The following SBF1 variants were observed in gnomAD, a reference collection of about 807,000 sequenced individuals.
SBF1 encodes myotubularin-related protein 5.
SBF1 carries 65 observed loss-of-function variants against 215.8 expected under a neutral mutation model. The ratio of observed to expected loss-of-function variants is 0.30; its 90% CI spans 0.25 to 0.37. The LOEUF is 0.37. Ranked by LOEUF, SBF1 falls within the 10% of genes least tolerant of loss-of-function variation. The pLI is 1.00. For missense variants in SBF1, 2,634 were observed against 2,667.8 expected (o/e 0.99, Z 0.28); for synonymous variants, 1,410 against 1,122.8 (o/e 1.26, Z -5.11).
intron 15 of SBF1, among the ~76,000 whole-genome samples, chr22:50,463,721 C>T (rs900920231): frequency 4.6e-5 from 7 of 152,266 alleles, no homozygotes; most frequent in Non-Finnish European, 8.8e-5. Flanking sequence ...TGCTCACAGG[C>T]TCACAGCTGC....
At position 50,459,205 on chromosome 22, in the gene SBF1, C is replaced by A; in HGVS notation, c.3826+50G>T. 4 of 1,561,218 alleles carry A rather than the reference C, an allele frequency of 2.6e-6. No homozygotes were observed. In the South Asian group the frequency reaches 3.5e-5, roughly 14 times the overall value. ...GCCTGCCAAACCATAAATGCCACCA[C>A]GGCCCCCCAAAGTGCCCCTGCCCCA... On this transcript the variant is annotated intron_variant, in intron 28 of 40. Transcript: ENST00000380817.
intron 2 of SBF1, 29 bp from the exon 3 acceptor site, chr22:50,467,952 T>TCC: frequency 6.2e-7 from 1 of 1,610,198 alleles, no homozygotes; most frequent in Non-Finnish European, 8.5e-7. Context: ...AGTCAGCTCC[T>TCC]CCCCCTACAC....
rs1391895224 is a variant in SBF1, at chr22:50,448,359, G to A, written c.5237C>T (p.Ser1746Phe). 10 of 1,613,782 alleles carry A rather than the reference G, an allele frequency of 6.2e-6. No homozygotes were observed. In the East Asian group the frequency reaches 1.8e-4, roughly 29 times the overall value. ...GCTGTCCAGGCTGAGGCTCAGGGTG[G>A]AGCCCACGGGCCCCTCCTGCAGGTA... is the stretch of plus-strand genomic sequence containing the variant. Reference protein sequence around the residue: ...GVYLQEGPVGSTLSLSLDSDQ... With the variant: ...GVYLQEGPVGFTLSLSLDSDQ... Residue 1746 changes from serine (S) to phenylalanine (F), a missense_variant, in exon 38 of 41, where the codon TCC becomes TTC. Physicochemically the swap from Ser to Phe is radical, Grantham distance 155. Transcript: ENST00000380817.
At position 50,454,442 on chromosome 22, in the gene SBF1, C is replaced by T. The variant is rs1208466470; in HGVS notation, c.5043+70G>A. On this transcript the variant is annotated intron_variant, in intron 36 of 40. Coordinates refer to ENST00000380817, the MANE Select transcript of SBF1 (RefSeq NM_002972.4). ...GTGCATGTACGAGTGTACACACACA[C>T]GCACGACCCTGGTGTCTGAGCGAGA... 5.2e-5 allele frequency: 71 copies of T among 1,359,226 alleles called. 2 individuals are homozygous for T. The Admixed American group carries it at 6.0e-4, about 11-fold the overall frequency. The allele number at this position is 1,359,226 out of a possible 1,614,324, so 84.2% of individuals were successfully genotyped here. A position where few individuals can be genotyped will look rare whatever the true frequency, so the allele number is the denominator to read the frequency against.
chr22:50,447,294 CCT>C (rs1489678828), intron 40 of SBF1, 26 bp downstream of exon 40: 1 of 1,613,404 alleles, frequency 6.2e-7, no homozygotes, highest in East Asian at 2.2e-5. Context: ...GAGCCCCTCC[CCT>C]CTCCCAAGCC....
In SBF1 at chr22:50,454,754, C is replaced by T; in HGVS notation, c.4813-12G>A. The T allele has an allele frequency of 1.9e-6, 3 of 1,589,536 alleles. No individual in the cohort carries two copies. In the Middle Eastern group the frequency reaches 5.4e-4, roughly 287 times the overall value. On this transcript the variant is annotated splice_polypyrimidine_tract_variant and intron_variant, in intron 35 of 40. Coordinates refer to ENST00000380817, the MANE Select transcript of SBF1 (RefSeq NM_002972.4). ...TAGGGCCGCAGGACCTGAGGGTGGG[C>T]CTGTGGTTGAGGACCTGGGTCGGGC...
At chr22:50,456,113 G>T in intron 31 of SBF1, 103 bp downstream of exon 31, 1 of 1,249,594 alleles carries the variant, frequency 8.0e-7, no homozygotes, top group Non-Finnish European at 1.1e-6. Context: ...TCCTTCCAGC[G>T]CTCCACACTG....
chr22:50,464,399 G>A lies in SBF1; in HGVS notation c.1679C>T (p.Ala560Val). The A allele has an allele frequency of 6.2e-7, 1 of 1,614,112 alleles. No individual in the cohort carries two copies. Among genetic ancestry groups the A allele is most frequent in the Non-Finnish European group, 8.5e-7 (1 of 1,180,034 alleles). The change falls in exon 15 of 41, where the codon GCC (alanine) becomes GTC (valine). Residue 560 changes from alanine (A) to valine (V), a missense_variant. Coordinates refer to ENST00000380817, the MANE Select transcript of SBF1 (RefSeq NM_002972.4). ...ERCSGLHVNS[A>V]RRLEVVRNCI... ...GTTGCGCACAACCTCCAGCCGCCGG[G>A]CGCTGTTGACATGCAGCCCACTGCA...
At chr22:50,453,175 A>T (rs2067115139) in intron 36 of SBF1, among the ~76,000 whole-genome samples, 1 of 152,246 alleles carries the variant, frequency 6.6e-6, no homozygotes, top group Admixed American at 6.5e-5. Context: ...CACCTTAAAC[A>T]TAAACACACA....
rs533626265 is a variant in SBF1 at position 50,447,071 on chromosome 22, C to T, written c.*71G>A. 4.6e-5 allele frequency: 63 copies of T among 1,371,666 alleles called. No homozygotes were observed. Among genetic ancestry groups the T allele is most frequent in the Non-Finnish European group, 5.4e-5 (53 of 988,626 alleles). The allele number at this position is 1,371,666 out of a possible 1,614,324, so 85.0% of individuals were successfully genotyped here. A position where few individuals can be genotyped will look rare whatever the true frequency, so the allele number is the denominator to read the frequency against. ...CGAGGGCCGGGGCTGTAAACATGGC[C>T]GGGGCGGCCCTGCCCACCCCTAGTG... On this transcript the variant is annotated 3_prime_UTR_variant, in exon 41 of 41. Coordinates refer to ENST00000380817, the MANE Select transcript of SBF1 (RefSeq NM_002972.4).
rs576829341 is a variant in SBF1 at position 50,461,981 on chromosome 22, G to T, written c.2535C>A (p.Ser845Arg). ...DKVCTESGVTSDHLKGLHVMV... is the reference protein window; with the variant it reads ...DKVCTESGVTRDHLKGLHVMV... ...TGACATGCAGCCCCTTGAGGTGGTCGCTGGTGACCCCACTCTCCGTGCAGA... is the reference window on the plus strand; with the variant it reads ...TGACATGCAGCCCCTTGAGGTGGTCTCTGGTGACCCCACTCTCCGTGCAGA... The change falls in exon 20 of 41, where the codon AGC (serine) becomes AGA (arginine). Residue 845 changes from serine to arginine, a missense_variant. By Grantham distance (110) the Ser-to-Arg change is moderately radical. Transcript: ENST00000380817. 1 of 1,614,192 alleles carries T rather than the reference G, an allele frequency of 6.2e-7. No individual in the cohort carries two copies. The highest frequency in any genetic ancestry group is 1.6e-4 in the Middle Eastern group (1 of 6,062).
chr22:50,465,653 G>A lies in SBF1; in HGVS notation c.1089+110C>T, dbSNP rs540698413. On this transcript the variant is annotated intron_variant, in intron 10 of 40. Coordinates refer to ENST00000380817, the MANE Select transcript of SBF1 (RefSeq NM_002972.4). Reference sequence around the variant, plus strand: ...CTCCCAGGCTCCTGCTTCTGCTACTGGAGCCGGGGCCAGCCTGGGGGTGGG... The same window carrying A: ...CTCCCAGGCTCCTGCTTCTGCTACTAGAGCCGGGGCCAGCCTGGGGGTGGG... The A allele has an allele frequency of 7.8e-6, 8 of 1,029,018 alleles. No individual in the cohort carries two copies. In the East Asian group the frequency reaches 7.8e-5, roughly 10 times the overall value. 63.7% of individuals were successfully genotyped at this position (1,029,018 alleles called of 1,614,324 possible). A position where few individuals can be genotyped will look rare whatever the true frequency, so the allele number is the denominator to read the frequency against.
rs1461734806 is a variant in SBF1 at position 50,459,284 on chromosome 22, C to T, written c.3797G>A (p.Gly1266Asp). 6.2e-6 allele frequency: 10 copies of T among 1,609,242 alleles called. No homozygotes were observed. In the South Asian group the frequency reaches 7.7e-5, roughly 12 times the overall value. ...ACTGCCCATGTGGGCTGAGGAGAAG[C>T]CGCTAAGCGTGTTGCGTCCCGACGC... ...ADASGRNTLS[G>D]FSSAHMGSHV... Residue 1266 changes from glycine (G) to aspartate (D), a missense_variant, in exon 28 of 41, where the codon GGC becomes GAC. Gly to Asp is a moderately conservative substitution (Grantham distance 94). Coordinates refer to ENST00000380817, the MANE Select transcript of SBF1 (RefSeq NM_002972.4).
intron 22 of SBF1, 57 bp from the exon 23 acceptor site, chr22:50,461,343 G>A (rs778233119): frequency 5.8e-6 from 9 of 1,554,480 alleles, no homozygotes; most frequent in Non-Finnish European, 7.8e-6. Context: ...GGGGGTCCCA[G>A]AATCTCAGGG....
chr22:50,457,034 C>T lies in SBF1; in HGVS notation c.3904G>A (p.Gly1302Ser). 7.0e-7 allele frequency: 1 copy of T among 1,434,338 alleles called. No homozygotes were observed. The highest frequency in any genetic ancestry group is 9.1e-7 in the Non-Finnish European group (1 of 1,096,384). 88.9% of individuals were successfully genotyped at this position (1,434,338 alleles called of 1,614,324 possible). Residue 1302 changes from glycine to serine, a missense_variant and splice_region_variant, in exon 29 of 41, where the codon GGT becomes AGT. Physicochemically the swap from Gly to Ser is moderately conservative, Grantham distance 56. Transcript: ENST00000380817. ...GGCCTGCGCAGGCTCGGTACGGTAC[C>T]TCGGGGTGCGGTCCGTCTGGAGGCC... ...ASASRRTAPRGKWGSVRTSGR... is the reference protein window; with the variant it reads ...ASASRRTAPRSKWGSVRTSGR...
At chr22:50,448,680 C>A in intron 36 of SBF1, 30 bp from the exon 37 acceptor site, 1 of 1,545,716 alleles carries the variant, frequency 6.5e-7, no homozygotes, top group South Asian at 1.1e-5. Flanking sequence ...CAAGTTTATT[C>A]AAAAGGAAAT....
intron 10 of SBF1, 109 bp downstream of exon 10, chr22:50,465,654 G>T: frequency 1.9e-6 from 2 of 1,034,406 alleles, no homozygotes; most frequent in Non-Finnish European, 2.8e-6. Context: ...TCTGCTACTG[G>T]AGCCGGGGCC....
Position 50,453,919 on chromosome 22 carries a change from C to T in SBF1, c.5043+593G>A, listed in dbSNP as rs541259761. On this transcript the variant is annotated intron_variant, in intron 36 of 40. Coordinates refer to ENST00000380817, the MANE Select transcript of SBF1 (RefSeq NM_002972.4). The stretch of plus-strand genomic sequence containing the variant: ...CAGTCCCACAGAGACTCCGGGATGG[C>T]CCCAAAAGGTAGCACCACGCGCAGG... Among the ~76,000 whole-genome samples, 5 of 152,274 alleles carry T rather than the reference C, an allele frequency of 3.3e-5. No homozygotes were observed. In the East Asian group the frequency reaches 9.6e-4, roughly 29 times the overall value.
chr22:50,465,733 T>G, intron 10 of SBF1, 30 bp downstream of exon 10: 2 of 1,563,054 alleles, frequency 1.3e-6, no homozygotes. Flanking sequence ...GTGCCTGGGG[T>G]CCCCATGCAG....
Sources: gnomAD v4.1 joint callset for allele counts (sites outside exome capture counted in the v4.1 genomes callset) on GRCh38, gnomAD v4.1.1 for gene constraint, MANE v1.5 for transcripts, NCBI Gene and HGNC (gene_info 2026-07-23, HGNC 2026-07-21) for gene names.